Variants in ANKRD52 observed in about 807,000 individuals in gnomAD.
ANKRD52 encodes the protein serine/threonine-protein phosphatase 6 regulatory ankyrin repeat subunit C.
ANKRD52 carries 7 observed loss-of-function variants against 116.0 expected under a neutral mutation model. The observed-to-expected ratio is 0.06, with a 90% CI of 0.03 to 0.11. The LOEUF is 0.11. Ranked by LOEUF, ANKRD52 falls within the 10% of genes least tolerant of loss-of-function variation. ANKRD52 has a pLI of 1.00. For missense variants in ANKRD52, 839 were observed against 1,408.6 expected (o/e 0.60, Z 6.47); for synonymous variants, 528 against 578.1 (o/e 0.91, Z 1.24).
At position 56,253,598 on chromosome 12, in the gene ANKRD52, G is replaced by C; in HGVS notation, c.985+124C>G. 1.8e-6 allele frequency: 2 copies of C among 1,117,050 alleles called. No homozygotes were observed. The highest frequency in any genetic ancestry group is 1.3e-6 in the Non-Finnish European group (1 of 770,556). The allele number at this position is 1,117,050 out of a possible 1,614,324, so 69.2% of individuals were successfully genotyped here. ...GCCATTTCCACAGGTCCCTTGGTCA[G>C]AGTTCCAAGGGCCTATCCTACTGGA... On this transcript the variant is annotated intron_variant, in intron 9 of 27. Coordinates refer to ENST00000267116, the MANE Select transcript of ANKRD52 (RefSeq NM_173595.4). The surrounding 1 kb of genome is among the most constrained non-coding windows in gnomAD (Gnocchi z 5.5).
At chr12:56,246,817 G>A (rs1408764560) in intron 20 of ANKRD52, among the ~76,000 whole-genome samples, 1 of 151,696 alleles carries the variant, frequency 6.6e-6, no homozygotes, top group Non-Finnish European at 1.5e-5. Flanking sequence ...CTACTCGGGA[G>A]GCTGAGGCAG....
Position 56,253,441 on chromosome 12 carries a change from C to G in ANKRD52, c.986-39G>C, listed in dbSNP as rs1480156283. 6.5e-7 allele frequency: 1 copy of G among 1,536,048 alleles called. No individual in the cohort carries two copies. Among genetic ancestry groups the G allele is most frequent in the Non-Finnish European group, 9.0e-7 (1 of 1,111,666 alleles). The stretch of plus-strand genomic sequence containing the variant: ...CACACACACAAGCTCAGGCAGACCT[C>G]AGGCTTAAGACCACTTTCGCGAGCT... On this transcript the variant is annotated intron_variant, in intron 9 of 27. Coordinates refer to ENST00000267116, the MANE Select transcript of ANKRD52 (RefSeq NM_173595.4). The surrounding 1 kb of genome is among the most constrained non-coding windows in gnomAD (Gnocchi z 5.5).
rs1053093918 is a variant in ANKRD52, at chr12:56,244,140, G to T, written c.2806-7C>A. 4.3e-6 allele frequency: 7 copies of T among 1,613,830 alleles called. No individual in the cohort carries two copies. Among genetic ancestry groups the T allele is most frequent in the Non-Finnish European group, 5.9e-6 (7 of 1,179,742 alleles). On this transcript the variant is annotated splice_region_variant and splice_polypyrimidine_tract_variant and intron_variant, in intron 25 of 27. Transcript: ENST00000267116. The surrounding 1 kb of genome is among the most constrained non-coding windows in gnomAD (Gnocchi z 4.9). Reference sequence around the variant, plus strand: ...GGGCACATTTCTCATGGCCCTGAGGGAGGGGAACAGAGAGTGGAGACTTGT... The same window carrying T: ...GGGCACATTTCTCATGGCCCTGAGGTAGGGGAACAGAGAGTGGAGACTTGT...
rs1871253222 is a variant in ANKRD52, at chr12:56,243,388, G to A, written c.2985C>T (p.His995=). The change falls in exon 28 of 28, where the codon CAC becomes CAT. Residue 995 remains histidine (H), a synonymous_variant. Transcript: ENST00000267116. This position sits in a 1 kb window ranked among gnomAD's most constrained non-coding sequence, Gnocchi z 4.6. The part of the protein sequence containing the change: ...ATVLAVDEEG[H]TPALACAPNK... ...TGGGGGCACAGGCCAGTGCTGGGGT[G>A]TGACCTGCAGGGCCAAGGGGGAGAA... 4 of 1,613,588 alleles carry A rather than the reference G, an allele frequency of 2.5e-6. No homozygotes were observed.
intron 4 of ANKRD52, among the ~76,000 whole-genome samples, chr12:56,256,446 A>C (rs916829512): frequency 1.3e-5 from 2 of 152,282 alleles, no homozygotes; most frequent in Middle Eastern, 3.4e-3. Context: ...CGTTTGCAAA[A>C]CCCGAGCTAA....
At position 56,252,351 on chromosome 12, in the gene ANKRD52, C is replaced by T. The variant is rs1226225834; in HGVS notation, c.1371-36G>A. 11 of 1,611,320 alleles carry T rather than the reference C, an allele frequency of 6.8e-6. No homozygotes were observed. The highest frequency in any genetic ancestry group is 9.3e-6 in the Non-Finnish European group (11 of 1,177,800). ...AGTGAAGGAGGGTGGGGAAGAGAAT[C>T]AGAGACAGATACGAATGCAATCAGA... On this transcript the variant is annotated intron_variant, in intron 13 of 27. Coordinates refer to ENST00000267116, the MANE Select transcript of ANKRD52 (RefSeq NM_173595.4). The surrounding 1 kb of genome is among the most constrained non-coding windows in gnomAD (Gnocchi z 4.7).
Position 56,253,986 on chromosome 12 carries a change from A to T in ANKRD52, c.906+81T>A. Reference sequence around the variant, plus strand: ...CTAGGAAGCAAGTGGATAATTCCCCAAGAGAGCTATCCAGATACAGTCAGG... The same window carrying T: ...CTAGGAAGCAAGTGGATAATTCCCCTAGAGAGCTATCCAGATACAGTCAGG... On this transcript the variant is annotated intron_variant, in intron 8 of 27. Coordinates refer to ENST00000267116, the MANE Select transcript of ANKRD52 (RefSeq NM_173595.4). The surrounding 1 kb of genome is among the most constrained non-coding windows in gnomAD (Gnocchi z 5.5). 6.9e-7 allele frequency: 1 copy of T among 1,447,890 alleles called. No homozygotes were observed. Among genetic ancestry groups the T allele is most frequent in the Non-Finnish European group, 9.5e-7 (1 of 1,047,798 alleles). The allele number at this position is 1,447,890 out of a possible 1,614,324, so 89.7% of individuals were successfully genotyped here. A position where few individuals can be genotyped will look rare whatever the true frequency, so the allele number is the denominator to read the frequency against.
Position 56,252,277 on chromosome 12 carries a change from T to G in ANKRD52, c.1409A>C (p.Gln470Pro). Reference sequence around the variant, plus strand: ...AGCAGTCACCAATGTTACTGCACACTGGTAGCTACCGTTAGCAGCTGCATA... The same window carrying G: ...AGCAGTCACCAATGTTACTGCACACGGGTAGCTACCGTTAGCAGCTGCATA... ...LHYAAANGSYQCAVTLVTAGA... is the reference protein window; with the variant it reads ...LHYAAANGSYPCAVTLVTAGA... Residue 470 changes from glutamine to proline, a missense_variant, in exon 14 of 28, where the codon CAG (glutamine) becomes CCG (proline). By Grantham distance (76) the Gln-to-Pro change is moderately conservative. Transcript: ENST00000267116. This position sits in a 1 kb window ranked among gnomAD's most constrained non-coding sequence, Gnocchi z 4.7. 1 of 1,613,956 alleles carries G rather than the reference T, an allele frequency of 6.2e-7. No homozygotes were observed. The highest frequency in any genetic ancestry group is 8.5e-7 in the Non-Finnish European group (1 of 1,179,876).
Position 56,240,780 on chromosome 12 carries a change from C to T in ANKRD52, c.*2362G>A, listed in dbSNP as rs1158220928. The T allele has an allele frequency of 6.6e-6, 1 of 152,184 alleles. No homozygotes were observed. Among genetic ancestry groups the T allele is most frequent in the Non-Finnish European group, 1.5e-5 (1 of 68,046 alleles). 9.4% of individuals were successfully genotyped at this position (152,184 alleles called of 1,614,324 possible). A position where few individuals can be genotyped will look rare whatever the true frequency, so the allele number is the denominator to read the frequency against. Reference sequence around the variant, plus strand: ...AGGGACAGAGGACTCCCCACCACCTCCCAGCACTGCTGACAGTGCGCTGAG... The same window carrying T: ...AGGGACAGAGGACTCCCCACCACCTTCCAGCACTGCTGACAGTGCGCTGAG... On this transcript the variant is annotated 3_prime_UTR_variant, in exon 28 of 28. Transcript: ENST00000267116. The surrounding 1 kb of genome is among the most constrained non-coding windows in gnomAD (Gnocchi z 4.2).
rs1871543069 is a variant in ANKRD52, at chr12:56,248,733, C to T, written c.1704+26G>A. The T allele has an allele frequency of 6.3e-7, 1 of 1,578,678 alleles. No individual in the cohort carries two copies. Among genetic ancestry groups the T allele is most frequent in the South Asian group, 1.1e-5 (1 of 87,808 alleles). The stretch of plus-strand genomic sequence containing the variant: ...CCTGTGCCCTGCCCCTGCCTCCCCT[C>T]CTGCAGGCCGGGCCCCAACACATAC... On this transcript the variant is annotated intron_variant, in intron 16 of 27. Transcript: ENST00000267116. This position sits in a 1 kb window ranked among gnomAD's most constrained non-coding sequence, Gnocchi z 5.1.
Position 56,245,464 on chromosome 12 carries a change from G to C in ANKRD52, c.2317C>G (p.Leu773Val). The change falls in exon 21 of 28, where the codon CTG (leucine) becomes GTG (valine). Residue 773 changes from leucine (L) to valine (V), a missense_variant. Physicochemically the swap from Leu to Val is conservative, Grantham distance 32. Coordinates refer to ENST00000267116, the MANE Select transcript of ANKRD52 (RefSeq NM_173595.4). ...ACGHTAVLRT[L>V]LQAALSTDPL... ...TCTGTGGAAAGGGCAGCCTGCAGCA[G>C]GGTCCGCAGTACTGCAGTGTGGCCA... The C allele has an allele frequency of 6.2e-7, 1 of 1,612,816 alleles. No individual in the cohort carries two copies. Among genetic ancestry groups the C allele is most frequent in the Non-Finnish European group, 8.5e-7 (1 of 1,179,490 alleles).
Position 56,245,008 on chromosome 12 carries a change from G to C in ANKRD52, c.2493-19C>G, listed in dbSNP as rs771652206. On this transcript the variant is annotated intron_variant, in intron 22 of 27. Transcript: ENST00000267116. The stretch of plus-strand genomic sequence containing the variant: ...ATTAATCCTAGAGGAAGAGGGAGGA[G>C]GGGTCATCAGGAAGGACAAGGGAAG... 5 of 1,613,494 alleles carry C rather than the reference G, an allele frequency of 3.1e-6. No homozygotes were observed. The highest frequency in any genetic ancestry group is 4.5e-5 in the East Asian group (2 of 44,892).
Position 56,257,078 on chromosome 12 carries a change from A to G in ANKRD52, c.198T>C (p.Asn66=), listed in dbSNP as rs372829617. ...GCCACAGTGTGTCCTTAGCATTGACATTAGCACCTGTGGGGATATAATTTC... is the reference window on the plus strand; with the variant it reads ...GCCACAGTGTGTCCTTAGCATTGACGTTAGCACCTGTGGGGATATAATTTC... ...ILQLLLMSGA[N]VNAKDTLWLT... The change falls in exon 4 of 28, where the codon AAT becomes AAC. Residue 66 remains asparagine, a synonymous_variant. Transcript: ENST00000267116. 2 of 1,612,862 alleles carry G rather than the reference A, an allele frequency of 1.2e-6. No homozygotes were observed. Among genetic ancestry groups the G allele is most frequent in the Middle Eastern group, 1.6e-4 (1 of 6,074 alleles).
At chr12:56,251,872 C>G (rs1592392978) in intron 15 of ANKRD52, 143 bp downstream of exon 15, 2 of 852,888 alleles carry the variant, frequency 2.3e-6, no homozygotes, top group Non-Finnish European at 3.6e-6. Flanking sequence ...GGACTACACC[C>G]AGAGGGCTCA....
Position 56,244,392 on chromosome 12 carries a change from A to T in ANKRD52, c.2766T>A (p.Asp922Glu), listed in dbSNP as rs145630947. Residue 922 changes from aspartate (D) to glutamate (E), a missense_variant, in exon 25 of 28, where the codon GAT (aspartate) becomes GAA (glutamate). Coordinates refer to ENST00000267116, the MANE Select transcript of ANKRD52 (RefSeq NM_173595.4). The surrounding 1 kb of genome is among the most constrained non-coding windows in gnomAD (Gnocchi z 4.9). ...AGTGGAGGGCCGTGTTCTTGTTCTC[A>T]TCCAACACAGTAAGGTCTGCCTTCC... Reference protein sequence around the residue: ...YRGKADLTVLDENKNTALHLA... With the variant: ...YRGKADLTVLEENKNTALHLA... 3.2e-5 allele frequency: 52 copies of T among 1,613,928 alleles called. No homozygotes were observed. In the East Asian group the frequency reaches 1.1e-3, roughly 35 times the overall value.
rs1039927130 is a variant in ANKRD52, at chr12:56,254,414, C to T, written c.694-135G>A. ...GTTTATGACCCAAGGTACTAAGGTA[C>T]TAAGGGCACTATGGCTAAGGTAAGC... On this transcript the variant is annotated intron_variant, in intron 7 of 27. Coordinates refer to ENST00000267116, the MANE Select transcript of ANKRD52 (RefSeq NM_173595.4). The surrounding 1 kb of genome is among the most constrained non-coding windows in gnomAD (Gnocchi z 4.6). 18 of 1,429,864 alleles carry T rather than the reference C, an allele frequency of 1.3e-5. No homozygotes were observed. In the East Asian group the frequency reaches 3.9e-4, roughly 31 times the overall value. 88.6% of individuals were successfully genotyped at this position (1,429,864 alleles called of 1,614,324 possible).
chr12:56,244,608 T>C lies in ANKRD52; in HGVS notation c.2722+44A>G, dbSNP rs1423361192. 1 of 1,609,594 alleles carries C rather than the reference T, an allele frequency of 6.2e-7. No individual in the cohort carries two copies. Among genetic ancestry groups the C allele is most frequent in the East Asian group, 2.2e-5 (1 of 44,820 alleles). On this transcript the variant is annotated intron_variant, in intron 24 of 27. Transcript: ENST00000267116. The surrounding 1 kb of genome is among the most constrained non-coding windows in gnomAD (Gnocchi z 4.9). Reference sequence around the variant, plus strand: ...AGGCAGGGCTGACCCATCCTGCAAATGCCCCAGGGGAGCTCCTCCCTTCCA... The same window carrying C: ...AGGCAGGGCTGACCCATCCTGCAAACGCCCCAGGGGAGCTCCTCCCTTCCA...
At chr12:56,247,441 G>A in intron 20 of ANKRD52, 52 bp downstream of exon 20, 2 of 1,443,530 alleles carry the variant, frequency 1.4e-6, no homozygotes, top group Non-Finnish European at 1.9e-6. Flanking sequence ...TGAGTCCCAT[G>A]CTCCCACACT....
At chr12:56,257,984 A>T in intron 1 of ANKRD52, 73 bp from the exon 2 acceptor site, 1 of 1,341,686 alleles carries the variant, frequency 7.5e-7, no homozygotes, top group Non-Finnish European at 1.0e-6. Flanking sequence ...GGGGTGGGGG[A>T]GCACCTAGGT....
Sources: gnomAD v4.1 joint callset for allele counts (sites outside exome capture counted in the v4.1 genomes callset) on GRCh38, gnomAD v4.1.1 for gene constraint, Gnocchi (gnomAD v3.1) non-coding constraint, MANE v1.5 for transcripts, NCBI Gene and HGNC (gene_info 2026-07-23, HGNC 2026-07-21) for gene names.